The following MS4A5 variants were observed in gnomAD, a reference collection of about 807,000 sequenced individuals.
The protein encoded by MS4A5 is membrane spanning 4-domains A5.
A neutral mutation model predicts 18.2 loss-of-function variants in MS4A5; 15 were observed. The ratio of observed to expected loss-of-function variants is 0.83; its 90% confidence interval spans 0.55 to 1.27. MS4A5 has a LOEUF of 1.27. MS4A5 is among the 50% of genes most tolerant of loss of function. The probability of loss-of-function intolerance (pLI) is 0.00; values close to 1 mark genes in which losing one functional copy is unlikely to be tolerated. For missense variants in MS4A5, 232 were observed against 225.7 expected (o/e 1.03, Z -0.18); for synonymous variants, 89 against 78.7 (o/e 1.13, Z -0.69).
In MS4A5 at chr11:60,430,829, T is replaced by C; in HGVS notation, c.187T>C (p.Ser63Pro). 6 of 1,613,346 alleles carry C rather than the reference T, an allele frequency of 3.7e-6. No individual in the cohort carries two copies. The highest frequency in any genetic ancestry group is 5.1e-6 in the Non-Finnish European group (6 of 1,179,914). ...GATCCTGTTTGGAATTATGACCTTTTCTTTTGGAGTTATCTTCCTTTTCAC... is the reference window on the plus strand; with the variant it reads ...GATCCTGTTTGGAATTATGACCTTTCCTTTTGGAGTTATCTTCCTTTTCAC... ...IQILFGIMTF[S>P]FGVIFLFTLL... The change falls in exon 2 of 5, where the codon TCT becomes CCT. Residue 63 changes from serine (S) to proline (P), a missense_variant. By Grantham distance (74) the Ser-to-Pro change is moderately conservative. Coordinates refer to ENST00000300190, the MANE Select transcript of MS4A5 (RefSeq NM_023945.3).
intron 2 of MS4A5, among the ~76,000 whole-genome samples, chr11:60,431,266 A>G (rs2086047176): frequency 6.6e-6 from 1 of 152,252 alleles, no homozygotes; most frequent in African/African-American, 2.4e-5. Flanking sequence ...ACATGTAAAC[A>G]GGTCACTTCA....
rs534030758 is a variant in MS4A5, at chr11:60,433,063, A to G, written c.339+596A>G. Among the ~76,000 whole-genome samples, 6 of 152,310 alleles carry G rather than the reference A, an allele frequency of 3.9e-5. No homozygotes were observed. The South Asian group carries it at 6.2e-4, about 16-fold the overall frequency. On this transcript the variant is annotated intron_variant, in intron 3 of 4. Transcript: ENST00000300190. ...TTACAATCGTTAAATAGCTTGTCCA[A>G]ATTCCCAGCCAATTAATGGTAGAAT...
chr11:60,433,945 G>A, intron 4 of MS4A5, 28 bp downstream of exon 4: 1 of 1,600,204 alleles, frequency 6.2e-7, no homozygotes, highest in Non-Finnish European at 8.6e-7. Context: ...ATAGAGTGAT[G>A]AGTAAAGGGC....
intron 4 of MS4A5, among the ~76,000 whole-genome samples, chr11:60,436,179 C>T (rs974839838): frequency 1.8e-4 from 28 of 151,702 alleles, no homozygotes; most frequent in South Asian, 6.3e-4. Flanking sequence ...ACACCTCACA[C>T]GGCAGAGTAC....
rs556771665 is a variant in MS4A5 at position 60,436,518 on chromosome 11, CT to C, written c.492+2604del. Among the ~76,000 whole-genome samples the C allele has an allele frequency of 1.2e-3, 165 of 135,656 alleles. 5 individuals carry two copies. Among genetic ancestry groups the C allele is most frequent in the African/African-American group, 3.9e-3 (155 of 40,088 alleles). 89.0% of individuals were successfully genotyped at this position (135,656 alleles called of 152,430 possible). On this transcript the variant is annotated intron_variant, in intron 4 of 4. Coordinates refer to ENST00000300190, the MANE Select transcript of MS4A5 (RefSeq NM_023945.3). ...AAACCAAAGGCAAAGAGGTTGAAAACTTTGAAAAAAATTTAGAAGAATGTAT... is the reference window on the plus strand; with the variant it reads ...AAACCAAAGGCAAAGAGGTTGAAAACTTGAAAAAAATTTAGAAGAATGTAT...
At chr11:60,432,662 G>C (rs562932862) in intron 3 of MS4A5, among the ~76,000 whole-genome samples, 195 bp downstream of exon 3, 1 of 151,436 alleles carries the variant, frequency 6.6e-6, no homozygotes, top group Non-Finnish European at 1.5e-5. Flanking sequence ...GCACACACCT[G>C]TAGTCCCAGC....
rs2086149257 is a variant in MS4A5, at chr11:60,447,732, G to A, written c.576G>A (p.Glu192=). 2 of 1,598,434 alleles carry A rather than the reference G, an allele frequency of 1.3e-6. No homozygotes were observed. Among genetic ancestry groups the A allele is most frequent in the South Asian group, 1.1e-5 (1 of 87,966 alleles). The change falls in exon 5 of 5, where the codon GAG becomes GAA. Residue 192 remains glutamate (E), a synonymous_variant. Coordinates refer to ENST00000300190, the MANE Select transcript of MS4A5 (RefSeq NM_023945.3). Reference sequence around the variant, plus strand: ...TCTCAATTTTGGGGTGCCACTCAGAGGATTGTGATTGTGAACAATGTTGTT... The same window carrying A: ...TCTCAATTTTGGGGTGCCACTCAGAAGATTGTGATTGTGAACAATGTTGTT... ...LPFSILGCHS[E]DCDCEQCC
intron 4 of MS4A5, among the ~76,000 whole-genome samples, chr11:60,443,912 ATGAC>A (rs1213283638): frequency 6.6e-6 from 1 of 152,230 alleles, no homozygotes; most frequent in Non-Finnish European, 1.5e-5. Flanking sequence ...ACCACCCGCC[ATGAC>A]TAACACAGGA....
chr11:60,438,183 T>TAA (rs1362943819), intron 4 of MS4A5, among the ~76,000 whole-genome samples: 1 of 151,902 alleles, frequency 6.6e-6, no homozygotes, highest in Non-Finnish European at 1.5e-5. Context: ...ACTGGGTACA[T>TAA]AATGAAATGA....
chr11:60,447,631 C>A lies in MS4A5; in HGVS notation c.493-18C>A. 7.4e-7 allele frequency: 1 copy of A among 1,346,064 alleles called. No individual in the cohort carries two copies. Among genetic ancestry groups the A allele is most frequent in the Non-Finnish European group, 1.0e-6 (1 of 974,352 alleles). The allele number at this position is 1,346,064 out of a possible 1,614,324, so 83.4% of individuals were successfully genotyped here. On this transcript the variant is annotated intron_variant, in intron 4 of 4. Transcript: ENST00000300190. ...ACATCATGACTCTTCATTTTTTTTT[C>A]TTCTTCTTCTATTACAGGGAATTTT... is the stretch of plus-strand genomic sequence containing the variant.
intron 4 of MS4A5, among the ~76,000 whole-genome samples, chr11:60,434,152 T>C (rs1484479214): frequency 6.6e-6 from 1 of 151,804 alleles, no homozygotes; most frequent in East Asian, 1.9e-4. Context: ...AGATAAAACA[T>C]ACACAAATCA....
chr11:60,441,453 C>A (rs1241754190), intron 4 of MS4A5, among the ~76,000 whole-genome samples: 9 of 84,492 alleles, frequency 1.1e-4, no homozygotes, highest in East Asian at 2.8e-4. Context: ...AGAAAAAGGC[C>A]ATTAAAAAAA....
chr11:60,432,535 C>A, intron 3 of MS4A5, 68 bp downstream of exon 3: 2 of 1,046,210 alleles, frequency 1.9e-6, no homozygotes, highest in Non-Finnish European at 2.8e-6. Context: ...TACCTGTAAT[C>A]CCAGCACTTT....
intron 2 of MS4A5, 105 bp downstream of exon 2, chr11:60,431,029 A>C (rs1207599523): frequency 1.1e-5 from 15 of 1,349,694 alleles, no homozygotes; most frequent in Middle Eastern, 3.8e-4. Context: ...ATGCTTTCAA[A>C]AGTGCAAAAA....
At chr11:60,434,135 G>A (rs2086066233) in intron 4 of MS4A5, among the ~76,000 whole-genome samples, 1 of 151,782 alleles carries the variant, frequency 6.6e-6, no homozygotes, top group East Asian at 1.9e-4. Flanking sequence ...ATTCACAGGA[G>A]CACAAGAGAT....
chr11:60,435,214 T>C (rs2086072025), intron 4 of MS4A5, among the ~76,000 whole-genome samples: 1 of 152,050 alleles, frequency 6.6e-6, no homozygotes, highest in Admixed American at 6.6e-5. Context: ...CATTCATTAA[T>C]CTTAATAAAT....
In MS4A5 at chr11:60,430,890, T is replaced by G; in HGVS notation, c.248T>G (p.Phe83Cys). 1 of 1,613,332 alleles carries G rather than the reference T, an allele frequency of 6.2e-7. No homozygotes were observed. The highest frequency in any genetic ancestry group is 8.5e-7 in the Non-Finnish European group (1 of 1,179,924). ...LKPYPRFPFIFLSGYPFWGSV... is the reference protein window; with the variant it reads ...LKPYPRFPFICLSGYPFWGSV... Reference sequence around the variant, plus strand: ...CCATATCCAAGGTTTCCCTTTATATTTCTTTCAGGATATCCATTCTGGGGC... The same window carrying G: ...CCATATCCAAGGTTTCCCTTTATATGTCTTTCAGGATATCCATTCTGGGGC... Residue 83 changes from phenylalanine to cysteine, a missense_variant, in exon 2 of 5, where the codon TTT becomes TGT. Transcript: ENST00000300190.
At chr11:60,430,664 A>G in intron 1 of MS4A5, 132 bp from the exon 2 acceptor site, 2 of 957,084 alleles carry the variant, frequency 2.1e-6, no homozygotes, top group Non-Finnish European at 1.6e-6. Context: ...TCATAAAGGG[A>G]CTTCTATTAT....
In MS4A5 at chr11:60,436,406, C is replaced by T. The variant is rs531579294; in HGVS notation, c.492+2489C>T. ...AAGGAATGCAGTTCCTCACCAGCAA[C>T]GGAACAAAGCTGGATGGAGAATGAC... On this transcript the variant is annotated intron_variant, in intron 4 of 4. Transcript: ENST00000300190. Among the ~76,000 whole-genome samples, 235 of 139,264 alleles carry T rather than the reference C, an allele frequency of 1.7e-3. 45 individuals are homozygous for T. The highest frequency in any genetic ancestry group is 3.2e-3 in the Non-Finnish European group (193 of 61,184). The allele number at this position is 139,264 out of a possible 152,430, so 91.4% of individuals were successfully genotyped here. A position where few individuals can be genotyped will look rare whatever the true frequency, so the allele number is the denominator to read the frequency against.
Sources: allele counts gnomAD v4.1 joint callset (sites outside exome capture counted in the v4.1 genomes callset), GRCh38; gene constraint gnomAD v4.1.1; transcripts MANE v1.5; gene names NCBI Gene and HGNC (gene_info 2026-07-23, HGNC 2026-07-21).